RBFOX1: variants seen among roughly 807,000 people sequenced by gnomAD.
The protein encoded by RBFOX1 is RNA binding fox-1 homolog 1, also known as RNA binding protein fox-1 homolog 1.
In RBFOX1, 8 loss-of-function variants were observed where a neutral mutation model predicts 57.7. That is an observed-to-expected ratio of 0.14 (90% CI 0.08 to 0.25). The LOEUF is 0.25. Among genes scored for constraint, RBFOX1 ranks in the 10% least tolerant of loss-of-function variants. The pLI, the probability that RBFOX1 is intolerant of heterozygous loss-of-function variation, is 1.00. For synonymous variants in RBFOX1, 326 were observed against 222.4 expected (o/e 1.47, Z -4.15); for missense variants, 611 against 548.5 (o/e 1.11, Z -1.14).
intron 2 of RBFOX1, among the ~76,000 whole-genome samples, chr16:6,481,063 G>T (rs1267204684): frequency 1.3e-5 from 2 of 152,160 alleles, no homozygotes; most frequent in African/African-American, 4.8e-5. Context: ...AGAGCTGTTT[G>T]ATAATAGGGT....
At chr16:6,220,728 C>A (rs921197668) in intron 1 of RBFOX1, among the ~76,000 whole-genome samples, 4 of 119,066 alleles carry the variant, frequency 3.4e-5, no homozygotes, top group African/African-American at 1.1e-4. Context: ...AACCGCCCCC[C>A]CCCAGTGGAA....
chr16:6,733,040 A>G lies in RBFOX1; in HGVS notation c.-16+78390A>G, dbSNP rs543955788. On this transcript the variant is annotated intron_variant, in intron 3 of 15. Coordinates refer to ENST00000550418, the MANE Select transcript of RBFOX1 (RefSeq NM_018723.4). ...AGGTACATAGTCTTTTTAAAAATTA[A>G]CTTATTAAGAGACGTCAACATCTAG... 5.9e-5 allele frequency among the ~76,000 whole-genome samples: 9 copies of G among 152,342 alleles called. No homozygotes were observed. The South Asian group carries it at 1.7e-3, about 28-fold the overall frequency.
intron 4 of RBFOX1, among the ~76,000 whole-genome samples, chr16:7,386,922 G>C (rs1163396481): frequency 1.3e-5 from 2 of 152,044 alleles, no homozygotes; most frequent in Admixed American, 6.6e-5. Flanking sequence ...TCTCCATTCT[G>C]ACTGCCATGA....
chr16:5,599,020 C>G lies in RBFOX1; in HGVS notation c.377C>G (p.Ser126Ter), dbSNP rs953043330. ...TTTGAAACTACTTTTGCATCCTTTT[C>G]AGCCTCTTTGGTCTCCGTCATCAAT... The change falls in exon 3 of 3, where the codon TCA becomes TGA. Residue 126 changes from serine to a stop codon, truncating the protein, a stop_gained. Coordinates refer to the RBFOX1 transcript ENST00000585867. LOFTEE classifies it low-confidence loss of function (END_TRUNC). 3.7e-5 allele frequency: 51 copies of G among 1,388,114 alleles called. No individual in the cohort carries two copies. The African/African-American group carries it at 6.0e-4, about 16-fold the overall frequency. 86.0% of individuals were successfully genotyped at this position (1,388,114 alleles called of 1,614,324 possible).
chr16:6,927,891 C>G (rs139162950), intron 3 of RBFOX1, among the ~76,000 whole-genome samples: 9 of 152,180 alleles, frequency 5.9e-5, no homozygotes, highest in Non-Finnish European at 1.0e-4. Context: ...TAATAGCATA[C>G]GCTAAACATC....
intron 3 of RBFOX1, among the ~76,000 whole-genome samples, chr16:6,982,451 CAG>C (rs2089180165): frequency 3.3e-5 from 5 of 152,082 alleles, no homozygotes; most frequent in Admixed American, 6.6e-5. Context: ...CCTTTCATTG[CAG>C]CGAGCTCCTT....
chr16:5,854,658 T>G (rs1250334642), intron 3 of RBFOX1, among the ~76,000 whole-genome samples: 1 of 152,152 alleles, frequency 6.6e-6, no homozygotes, highest in Admixed American at 6.5e-5. Flanking sequence ...CTAGGTTGTT[T>G]CCATACTTTG....
At chr16:6,817,078 T>C (rs936832371) in intron 3 of RBFOX1, among the ~76,000 whole-genome samples, 6 of 152,124 alleles carry the variant, frequency 3.9e-5, no homozygotes, top group African/African-American at 1.4e-4. Context: ...AATCAATGAA[T>C]TGGACTTGAC....
intron 4 of RBFOX1, among the ~76,000 whole-genome samples, chr16:5,957,777 G>T (rs2059674837): frequency 6.6e-6 from 1 of 152,066 alleles, no homozygotes; most frequent in Non-Finnish European, 1.5e-5. Context: ...GAGTGTGGGG[G>T]TCTCCATCCC....
At chr16:7,602,027 C>T (rs1214986076) in intron 9 of RBFOX1, among the ~76,000 whole-genome samples, 2 of 152,174 alleles carry the variant, frequency 1.3e-5, no homozygotes, top group Non-Finnish European at 2.9e-5. Context: ...AAAGCATTGA[C>T]AGGCAGTTTT....
intron 2 of RBFOX1, among the ~76,000 whole-genome samples, chr16:5,510,046 C>A (rs34888795): frequency 6.6e-6 from 1 of 152,102 alleles, no homozygotes; most frequent in Non-Finnish European, 1.5e-5. Flanking sequence ...AGTTCTGATG[C>A]TCCTTTGCCT....
intron 2 of RBFOX1, among the ~76,000 whole-genome samples, chr16:6,543,605 G>A (rs969971608): frequency 2.0e-5 from 3 of 152,070 alleles, no homozygotes; most frequent in Non-Finnish European, 1.5e-5. Context: ...CTGTTGTTTT[G>A]TTTTCCACTT....
At chr16:5,244,401 C>T (rs1482659571) in intron 1 of RBFOX1, among the ~76,000 whole-genome samples, 2 of 152,144 alleles carry the variant, frequency 1.3e-5, no homozygotes, top group East Asian at 3.9e-4. Flanking sequence ...CCGCCTGGTT[C>T]TCAGGGTCCA....
At chr16:5,454,902 CTTTCTTTCTTTCCTTTGTTT>C (rs2068557048) in intron 1 of RBFOX1, among the ~76,000 whole-genome samples, 2 of 66,692 alleles carry the variant, frequency 3.0e-5, no homozygotes, top group Non-Finnish European at 3.3e-5. Context: ...TTCTTTCTTT[CTTTCTTTCTTTCCTTTGTTT>C]CTTTCTTCCT....
intron 4 of RBFOX1, among the ~76,000 whole-genome samples, chr16:7,290,946 A>G (rs146185618): frequency 4.6e-5 from 7 of 152,326 alleles, no homozygotes; most frequent in Admixed American, 3.9e-4. Context: ...CCTTGCCTCC[A>G]TCTCAATATT....
At chr16:6,926,707 C>T (rs542186729) in intron 3 of RBFOX1, among the ~76,000 whole-genome samples, 1 of 152,228 alleles carries the variant, frequency 6.6e-6, no homozygotes, top group African/African-American at 2.4e-5. Flanking sequence ...GCTCTTCTTC[C>T]CGTTAATTCG....
intron 12 of RBFOX1, among the ~76,000 whole-genome samples, chr16:7,657,820 C>G (rs1407888272): frequency 2.0e-5 from 3 of 151,882 alleles, no homozygotes; most frequent in Non-Finnish European, 4.4e-5. Flanking sequence ...AGTGGAAAAC[C>G]CTGTACCAAA....
chr16:6,662,967 C>G (rs1344994941), intron 3 of RBFOX1, among the ~76,000 whole-genome samples: 1 of 152,184 alleles, frequency 6.6e-6, no homozygotes, highest in Admixed American at 6.5e-5. Context: ...ATGGATCGCA[C>G]ATAACTGAAG....
intron 4 of RBFOX1, among the ~76,000 whole-genome samples, chr16:7,333,860 A>G (rs534624257): frequency 2.0e-5 from 3 of 152,216 alleles, no homozygotes; most frequent in Admixed American, 6.5e-5. Context: ...GCTAACATCT[A>G]CTAGCGATAG....
Sources: allele counts gnomAD v4.1 joint callset (sites outside exome capture counted in the v4.1 genomes callset), GRCh38; gene constraint gnomAD v4.1.1; transcripts MANE v1.5; gene names NCBI Gene and HGNC (gene_info 2026-07-23, HGNC 2026-07-21).